Variants in MOB3A observed in about 807,000 individuals in gnomAD.
MOB3A encodes the protein MOB kinase activator 3A.
MOB3A carries 17 observed loss-of-function variants against 17.8 expected under a neutral mutation model. The ratio of observed to expected loss-of-function variants is 0.95; its 90% CI spans 0.65 to 1.43. The LOEUF is 1.43. Among genes scored for constraint, MOB3A ranks in the 40% most tolerant of loss-of-function variants. MOB3A has a pLI of 0.00. For missense variants in MOB3A, 333 were observed against 310.8 expected (o/e 1.07, Z -0.54); for synonymous variants, 124 against 133.2 (o/e 0.93, Z 0.48).
intron 2 of MOB3A, among the ~76,000 whole-genome samples, chr19:2,079,640 C>A (rs540172904): frequency 1.3e-5 from 2 of 152,334 alleles, no homozygotes; most frequent in African/African-American, 4.8e-5. Flanking sequence ...AGACGTGCAG[C>A]CCCAGAACTG....
At chr19:2,076,771 C>CCCA (rs1568251485) in intron 4 of MOB3A, 40 bp downstream of exon 4, 1 of 1,600,480 alleles carries the variant, frequency 6.2e-7, no homozygotes, top group East Asian at 2.2e-5. Context: ...GGCCACCAGC[C>CCCA]CCACCGTAAC....
rs373826686 is a variant in MOB3A, at chr19:2,076,889, G to T, written c.546C>A (p.His182Gln). 5 of 1,613,958 alleles carry T rather than the reference G, an allele frequency of 3.1e-6. No individual in the cohort carries two copies. The African/African-American group carries it at 5.3e-5, about 17-fold the overall frequency. ...DRIAQMGSEAHVNTCYKHFYY... is the reference protein window; with the variant it reads ...DRIAQMGSEAQVNTCYKHFYY... ...AGAAGTGCTTGTAGCAGGTGTTCACGTGGGCCTCGGAGCCCATCTGCGCGA... is the reference window on the plus strand; with the variant it reads ...AGAAGTGCTTGTAGCAGGTGTTCACTTGGGCCTCGGAGCCCATCTGCGCGA... The change falls in exon 4 of 5, where the codon CAC becomes CAA. Residue 182 changes from histidine to glutamine, a missense_variant. By Grantham distance (24) the His-to-Gln change is conservative (BLOSUM62 0). Coordinates refer to ENST00000357066, the MANE Select transcript of MOB3A (RefSeq NM_130807.3).
At chr19:2,077,123 G>A (rs916229088) in intron 3 of MOB3A, 110 bp from the exon 4 acceptor site, 13 of 948,600 alleles carry the variant, frequency 1.4e-5, no homozygotes, top group African/African-American at 8.1e-5. Flanking sequence ...CTGGCAGATC[G>A]GGCGCGGTGG....
chr19:2,071,296 G>A lies in MOB3A; in HGVS notation c.*2099C>T, dbSNP rs995443199. 1.2e-4 allele frequency: 18 copies of A among 152,234 alleles called. No homozygotes were observed. The highest frequency in any genetic ancestry group is 4.3e-4 in the African/African-American group (18 of 41,456). The allele number at this position is 152,234 out of a possible 1,614,324, so 9.4% of individuals were successfully genotyped here. A position where few individuals can be genotyped will look rare whatever the true frequency, so the allele number is the denominator to read the frequency against. On this transcript the variant is annotated 3_prime_UTR_variant, in exon 5 of 5. Coordinates refer to ENST00000357066, the MANE Select transcript of MOB3A (RefSeq NM_130807.3). ...TCCTGATTTCATGGAGTTCTTTGAG[G>A]GCTCGGCTGGGAGGTCCCTCTCCGG... is the stretch of plus-strand genomic sequence containing the variant.
At chr19:2,077,579 G>T (rs999379419) in intron 3 of MOB3A, among the ~76,000 whole-genome samples, 9 of 152,032 alleles carry the variant, frequency 5.9e-5, no homozygotes, top group African/African-American at 2.4e-5. Flanking sequence ...GGGCCCAGGG[G>T]CTCCATGGCA....
Position 2,077,424 on chromosome 19 carries a change from G to C in MOB3A, c.422-411C>G, listed in dbSNP as rs1444858078. Among the ~76,000 whole-genome samples the C allele has an allele frequency of 4.6e-5, 7 of 151,930 alleles. No homozygotes were observed. In the South Asian group the frequency reaches 1.5e-3, roughly 32 times the overall value. On this transcript the variant is annotated intron_variant, in intron 3 of 4. Transcript: ENST00000357066. ...CTCAAAAAAAAAAAGAAAAAGAAAA[G>C]AAAAGAAAGGTACGCTGTACTCTGG...
intron 3 of MOB3A, among the ~76,000 whole-genome samples, chr19:2,077,475 C>T (rs901803987): frequency 1.3e-5 from 2 of 152,124 alleles, no homozygotes; most frequent in Non-Finnish European, 2.9e-5. Flanking sequence ...TGATCATCCT[C>T]AAACCCACGT....
At chr19:2,091,355 A>G (rs1426975835) in intron 1 of MOB3A, among the ~76,000 whole-genome samples, 1 of 152,146 alleles carries the variant, frequency 6.6e-6, no homozygotes, top group Non-Finnish European at 1.5e-5. Flanking sequence ...AGTGCAAAAA[A>G]TAAGTTGCAA....
intron 1 of MOB3A, among the ~76,000 whole-genome samples, chr19:2,086,195 A>G (rs1464473649): frequency 1.3e-5 from 2 of 151,170 alleles, no homozygotes; most frequent in African/African-American, 2.4e-5. Flanking sequence ...TGCCCGCTAC[A>G]ACGCCCGACT....
chr19:2,078,231 G>A lies in MOB3A; in HGVS notation c.330C>T (p.Pro110=), dbSNP rs767659373. ...TGTACCTGGGCGCGGAGAGTGCCGT[G>A]GGCTTCCGGAACTTATGCTCATCCT... The part of the protein sequence containing the change: ...RWQDEHKFRK[P]TALSAPRYMD... The change falls in exon 3 of 5, where the codon CCC becomes CCT. Residue 110 remains proline, a synonymous_variant. Transcript: ENST00000357066. The A allele has an allele frequency of 1.2e-6, 2 of 1,613,852 alleles. No homozygotes were observed. The highest frequency in any genetic ancestry group is 1.7e-5 in the Admixed American group (1 of 59,986).
intron 3 of MOB3A, among the ~76,000 whole-genome samples, chr19:2,077,886 C>T (rs1005959068): frequency 7.9e-5 from 12 of 151,920 alleles, no homozygotes; most frequent in South Asian, 2.1e-4. Context: ...TAGCCTCAAG[C>T]GATCCTCCCA....
Position 2,078,543 on chromosome 19 carries a change from C to T in MOB3A, c.18G>A (p.Leu6=). 6.3e-7 allele frequency: 1 copy of T among 1,579,338 alleles called. No individual in the cohort carries two copies. Among genetic ancestry groups the T allele is most frequent in the Non-Finnish European group, 8.6e-7 (1 of 1,158,476 alleles). Residue 6 remains leucine, a synonymous_variant, in exon 3 of 5, where the codon CTG becomes CTA. Coordinates refer to ENST00000357066, the MANE Select transcript of MOB3A (RefSeq NM_130807.3). MSNPF[L]KQVFNKDKTF... is the part of the protein sequence containing the mutation. ...TCTTGTCCTTGTTGAAGACTTGCTT[C>T]AGGAAGGGGTTGGACATCTTGGTGA...
At position 2,071,524 on chromosome 19, in the gene MOB3A, T is replaced by C. The variant is rs2017336983; in HGVS notation, c.*1871A>G. 2.6e-5 allele frequency: 4 copies of C among 152,682 alleles called. No homozygotes were observed. The highest frequency in any genetic ancestry group is 4.1e-4 in the South Asian group (2 of 4,842). 9.5% of individuals were successfully genotyped at this position (152,682 alleles called of 1,614,324 possible). A position where few individuals can be genotyped will look rare whatever the true frequency, so the allele number is the denominator to read the frequency against. ...CAGACTTCTGTGTGGTCTGGGACAGTGCAGGGCTCAGGCAGGAAGGACCAC... is the reference window on the plus strand; with the variant it reads ...CAGACTTCTGTGTGGTCTGGGACAGCGCAGGGCTCAGGCAGGAAGGACCAC... On this transcript the variant is annotated 3_prime_UTR_variant, in exon 5 of 5. Transcript: ENST00000357066.
intron 4 of MOB3A, among the ~76,000 whole-genome samples, chr19:2,075,061 G>A (rs1477093242): frequency 2.1e-5 from 3 of 142,100 alleles, no homozygotes; most frequent in Non-Finnish European, 3.1e-5. Flanking sequence ...ACAGGTTACT[G>A]GCTGTCACCC....
At chr19:2,088,560 C>T (rs935687650) in intron 1 of MOB3A, among the ~76,000 whole-genome samples, 9 of 152,110 alleles carry the variant, frequency 5.9e-5, no homozygotes, top group Non-Finnish European at 8.8e-5. Flanking sequence ...CTCCGCCTCA[C>T]GGGTTCAAGG....
chr19:2,091,250 T>C (rs371899637), intron 1 of MOB3A, among the ~76,000 whole-genome samples: 12 of 152,196 alleles, frequency 7.9e-5, no homozygotes, highest in African/African-American at 2.4e-4. Context: ...CAGAGGAGAC[T>C]TCTCATCCTT....
chr19:2,088,195 G>A (rs1220196680), intron 1 of MOB3A, among the ~76,000 whole-genome samples: 9 of 152,218 alleles, frequency 5.9e-5, no homozygotes, highest in African/African-American at 2.2e-4. Context: ...GCCCTGCAGT[G>A]CCCAGGATAC....
intron 1 of MOB3A, among the ~76,000 whole-genome samples, chr19:2,087,926 A>T (rs1055494644): frequency 3.9e-5 from 6 of 152,138 alleles, no homozygotes; most frequent in African/African-American, 1.4e-4. Flanking sequence ...GGCCTCCTGG[A>T]TGGCTTCAGT....
Position 2,073,425 on chromosome 19 carries a change from C to A in MOB3A, c.625-1G>T, listed in dbSNP as rs777282167. The A allele has an allele frequency of 1.2e-6, 2 of 1,613,890 alleles. No individual in the cohort carries two copies. Among genetic ancestry groups the A allele is most frequent in the South Asian group, 2.2e-5 (2 of 91,082 alleles). On this transcript the variant is annotated splice_acceptor_variant, in intron 4 of 4. Coordinates refer to ENST00000357066, the MANE Select transcript of MOB3A (RefSeq NM_130807.3). LOFTEE classifies it high-confidence loss of function. ...GGCACATCCGGGCGGTCATTTCTTT[C>A]TGTAAAGAGCAAGCAAGACATCAGC...
Sources: allele counts gnomAD v4.1 joint callset (sites outside exome capture counted in the v4.1 genomes callset), GRCh38; gene constraint gnomAD v4.1.1; transcripts MANE v1.5; gene names NCBI Gene and HGNC (gene_info 2026-07-23, HGNC 2026-07-21).